Variants in ASL observed in about 807,000 individuals in gnomAD.
ASL encodes argininosuccinate lyase.
Under a neutral mutation model 69.1 loss-of-function variants are expected in ASL, and 51 were observed. The observed-to-expected ratio is 0.74, with a 90% CI of 0.59 to 0.93. The LOEUF (loss-of-function observed/expected upper bound fraction) is 0.93, where lower values mean the gene tolerates loss of function less well. Ranked by LOEUF, ASL falls within the 40% of genes least tolerant of loss-of-function variation. The pLI is 0.00. For missense variants in ASL, 540 were observed against 623.9 expected, an observed-to-expected ratio of 0.87 and a Z score of 1.43; for synonymous variants, 241 against 247.6, an observed-to-expected ratio of 0.97 and a Z score of 0.25.
At chr7:66,087,295 G>A in intron 8 of ASL, 39 bp from the exon 9 acceptor site, 2 of 1,566,866 alleles carry the variant, frequency 1.3e-6, no homozygotes, top group Non-Finnish European at 1.7e-6. Flanking sequence ...AGGGCTGCCT[G>A]CCAGGAGCCC....
At chr7:66,090,666 T>C (rs1449150619) in intron 14 of ASL, among the ~76,000 whole-genome samples, 1 of 152,156 alleles carries the variant, frequency 6.6e-6, no homozygotes, top group Non-Finnish European at 1.5e-5. Context: ...CCAGCTTCAA[T>C]GATAATCAAC....
chr7:66,091,097 C>CAA (rs71051336), intron 14 of ASL, among the ~76,000 whole-genome samples: 213 of 73,080 alleles, frequency 2.9e-3, no homozygotes, highest in African/African-American at 8.3e-3. Flanking sequence ...GACTCCATCT[C>CAA]AAAAAAAAAA....
At chr7:66,087,242 TCGTGTG>T in intron 8 of ASL, 86 bp from the exon 9 acceptor site, 1 of 1,194,930 alleles carries the variant, frequency 8.4e-7, no homozygotes, top group Non-Finnish European at 1.2e-6. Context: ...GTGTGTGCGT[TCGTGTG>T]TGTGTGTGTG....
rs191626907 is a variant in ASL at position 66,092,948 on chromosome 7, G to A, written c.*36G>A. On this transcript the variant is annotated 3_prime_UTR_variant, in exon 17 of 17. Transcript: ENST00000304874. ...ACCTGCCCCCTAATAAAGTGGGCGC[G>A]AGAGGAGGCTGCTGTGTGTTTCCTG... 4.8e-4 allele frequency: 764 copies of A among 1,579,866 alleles called. 7 individuals are homozygous for A. The African/African-American group carries it at 8.0e-3, about 16-fold the overall frequency.
intron 12 of ASL, 25 bp from the exon 13 acceptor site, chr7:66,089,251 C>T: frequency 6.2e-7 from 1 of 1,611,308 alleles, no homozygotes; most frequent in East Asian, 2.2e-5. Flanking sequence ...CCGGGTCCAG[C>T]CCCTGTGCCT....
In ASL at chr7:66,087,801, G is replaced by A; in HGVS notation, c.718+10G>A. On this transcript the variant is annotated intron_variant, in intron 10 of 16. Coordinates refer to ENST00000304874, the MANE Select transcript of ASL (RefSeq NM_000048.4). ...GAGCGGGACTTTGTGGGTGAGTCCT[G>A]GGGAGCCAGTCCCCTGCCCTGTGCC... The A allele has an allele frequency of 6.2e-7, 1 of 1,614,112 alleles. No individual in the cohort carries two copies. Among genetic ancestry groups the A allele is most frequent in the Non-Finnish European group, 8.5e-7 (1 of 1,179,990 alleles).
chr7:66,079,021 T>G (rs556123758), intron 2 of ASL, among the ~76,000 whole-genome samples: 1 of 152,298 alleles, frequency 6.6e-6, no homozygotes, highest in South Asian at 2.1e-4. Flanking sequence ...GCCATTCTCC[T>G]GCCTCAGCCT....
In ASL at chr7:66,088,899, G is replaced by A. The variant is rs778854382; in HGVS notation, c.811G>A (p.Val271Met). 9.3e-6 allele frequency: 15 copies of A among 1,613,838 alleles called. No homozygotes were observed. Among genetic ancestry groups the A allele is most frequent in the African/African-American group, 2.7e-5 (2 of 74,916 alleles). ...CTACTGCACCAAGGAATTCAGCTTC[G>A]TGCAGCTCTCAGATGCCTACAGGTA... Reference protein sequence around the residue: ...ILYCTKEFSFVQLSDAYSTGS... With the variant: ...ILYCTKEFSFMQLSDAYSTGS... The change falls in exon 11 of 17, where the codon GTG (valine) becomes ATG (methionine). Residue 271 changes from valine to methionine, a missense_variant. Val to Met is a conservative substitution (Grantham distance 21). Coordinates refer to ENST00000304874, the MANE Select transcript of ASL (RefSeq NM_000048.4).
intron 14 of ASL, among the ~76,000 whole-genome samples, chr7:66,091,289 G>A (rs1459889018): frequency 6.6e-6 from 1 of 152,082 alleles, no homozygotes; most frequent in African/African-American, 2.4e-5. Flanking sequence ...TAGGCCTGGT[G>A]GCTCATGCTT....
intron 6 of ASL, among the ~76,000 whole-genome samples, chr7:66,085,904 G>T (rs313832): frequency 0.1 from 15,870 of 151,904 alleles, 1,018 homozygotes; most frequent in South Asian, 0.2. Context: ...TACCGCGCCT[G>T]GCCACAAGAC....
chr7:66,086,891 G>A, intron 8 of ASL, 70 bp downstream of exon 8: 2 of 1,507,136 alleles, frequency 1.3e-6, no homozygotes, highest in Non-Finnish European at 1.8e-6. Flanking sequence ...GATTGACAGA[G>A]CTGGGAAGTG....
rs1786675239 is a variant in ASL at position 66,086,767 on chromosome 7, ACT to A, written c.551_552del (p.Ser184Ter). Reference sequence around the variant, plus strand: ...AGCCACGCCGTGGCACTGACCCGAGACTCTGAGCGGCTGCTGGAGGTGCGGAA... The same window carrying A: ...AGCCACGCCGTGGCACTGACCCGAGACTGAGCGGCTGCTGGAGGTGCGGAA... On this transcript the variant is annotated frameshift_variant, in exon 8 of 17. Coordinates refer to ENST00000304874, the MANE Select transcript of ASL (RefSeq NM_000048.4). LOFTEE classifies it high-confidence loss of function. 5.0e-6 allele frequency: 8 copies of A among 1,602,134 alleles called. No homozygotes were observed. The highest frequency in any genetic ancestry group is 6.0e-6 in the Non-Finnish European group (7 of 1,174,944).
rs978018761 is a variant in ASL, at chr7:66,093,016, A to G, written c.*104A>G. The G allele has an allele frequency of 1.4e-5, 21 of 1,518,864 alleles. No homozygotes were observed. The South Asian group carries it at 2.2e-4, about 16-fold the overall frequency. 94.1% of individuals were successfully genotyped at this position (1,518,864 alleles called of 1,614,324 possible). ...CGTTGCTGGGCTTTCGGGGCTGGCC[A>G]GTGGGGACAGTCAGGGACTGGAGAG... On this transcript the variant is annotated 3_prime_UTR_variant, in exon 17 of 17. Transcript: ENST00000304874.
chr7:66,090,985 C>G (rs926776338), intron 14 of ASL, among the ~76,000 whole-genome samples: 2 of 151,414 alleles, frequency 1.3e-5, no homozygotes, highest in African/African-American at 4.9e-5. Context: ...GTAATCCCAG[C>G]TACTCAGGAG....
chr7:66,080,750 C>T (rs1252099090), intron 2 of ASL, among the ~76,000 whole-genome samples: 1 of 152,054 alleles, frequency 6.6e-6, no homozygotes, highest in Non-Finnish European at 1.5e-5. Flanking sequence ...ACATAGATGC[C>T]TACATACCAT....
chr7:66,093,236 T>C lies in ASL; in HGVS notation c.*324T>C. 1 of 431,502 alleles carries C rather than the reference T, an allele frequency of 2.3e-6. No homozygotes were observed. The highest frequency in any genetic ancestry group is 4.4e-6 in the Non-Finnish European group (1 of 228,938). The allele number at this position is 431,502 out of a possible 1,614,324, so 26.7% of individuals were successfully genotyped here. On this transcript the variant is annotated 3_prime_UTR_variant, in exon 17 of 17. Coordinates refer to ENST00000304874, the MANE Select transcript of ASL (RefSeq NM_000048.4). The stretch of plus-strand genomic sequence containing the variant: ...TAAGGCTGAGGTGAGAGGACACTTG[T>C]GCCCAGGAGTGGAGGCTGCAGTGAG...
intron 2 of ASL, among the ~76,000 whole-genome samples, chr7:66,079,705 C>T (rs542172361): frequency 9.9e-5 from 15 of 152,170 alleles, no homozygotes; most frequent in South Asian, 4.1e-4. Context: ...CTGCAACCTC[C>T]GCCTCCCGGG....
Position 66,087,389 on chromosome 7 carries a change from G to C in ASL, c.655+3G>C. On this transcript the variant is annotated splice_donor_region_variant and intron_variant, in intron 9 of 16. Transcript: ENST00000304874. ...GGACCGAGAGCTGCTCCGAGCAGGT[G>C]AGACGTCCTGCCCCTCCTCCCCAGG... is the stretch of plus-strand genomic sequence containing the variant. The C allele has an allele frequency of 6.2e-7, 1 of 1,606,978 alleles. No individual in the cohort carries two copies. The highest frequency in any genetic ancestry group is 8.5e-7 in the Non-Finnish European group (1 of 1,179,886).
chr7:66,092,935 A>C lies in ASL; in HGVS notation c.*23A>C, dbSNP rs1219221208. The C allele has an allele frequency of 6.3e-7, 1 of 1,597,450 alleles. No individual in the cohort carries two copies. Among genetic ancestry groups the C allele is most frequent in the Admixed American group, 1.7e-5 (1 of 58,616 alleles). On this transcript the variant is annotated 3_prime_UTR_variant, in exon 17 of 17. Transcript: ENST00000304874. ...TAGGTCCTCCCACACCTGCCCCCTA[A>C]TAAAGTGGGCGCGAGAGGAGGCTGC...
Sources: gnomAD v4.1 joint callset for allele counts (sites outside exome capture counted in the v4.1 genomes callset) on GRCh38, gnomAD v4.1.1 for gene constraint, MANE v1.5 for transcripts, NCBI Gene and HGNC (gene_info 2026-07-23, HGNC 2026-07-21) for gene names.